The following TMEM185A variants were observed in gnomAD, a reference collection of about 807,000 sequenced individuals.
The protein encoded by TMEM185A is transmembrane protein 185A.
TMEM185A carries 9 observed loss-of-function variants against 25.0 expected under a neutral mutation model. The observed-to-expected ratio is 0.36, with a 90% CI of 0.22 to 0.63. TMEM185A has a LOEUF of 0.63. TMEM185A is among the 20% of genes least tolerant of loss of function. The pLI, the probability that TMEM185A is intolerant of heterozygous loss-of-function variation, is 0.68. For synonymous variants in TMEM185A, 45 were observed against 93.5 expected, an observed-to-expected ratio of 0.48 and a Z score of 2.99; for missense variants, 103 against 237.4, an observed-to-expected ratio of 0.43 and a Z score of 3.72.
chrX:149,625,601 G>A (rs2090159516), intron 1 of TMEM185A, among the ~76,000 whole-genome samples: 2 of 112,279 alleles, frequency 1.8e-5, no homozygotes, highest in South Asian at 3.7e-4. Context: ...TTCACTGAGG[G>A]TGGATTCAAA....
At chrX:149,619,854 A>G (rs1301950525) in intron 1 of TMEM185A, among the ~76,000 whole-genome samples, 1 of 111,927 alleles carries the variant, frequency 8.9e-6, no homozygotes, top group East Asian at 2.8e-4. Context: ...ATGGCTGTAT[A>G]GTATTCCATG....
intron 2 of TMEM185A, among the ~76,000 whole-genome samples, chrX:149,609,217 A>G (rs2090068832): frequency 8.9e-6 from 1 of 112,642 alleles, no homozygotes; most frequent in Non-Finnish European, 1.9e-5. Context: ...TTCTGCTGCT[A>G]AAACCAGGCA....
chrX:149,631,112 G>A lies in TMEM185A; in HGVS notation c.38+431C>T, dbSNP rs186142368. On this transcript the variant is annotated intron_variant, in intron 1 of 6. Transcript: ENST00000600449. ...ACCCAAGGAAAACCCCAAGGACTGC[G>A]AGGAACTGGAGGAAACAGCTGGGGT... Among the ~76,000 whole-genome samples the A allele has an allele frequency of 5.4e-5, 6 of 110,835 alleles. No homozygotes were observed. In the East Asian group the frequency reaches 1.7e-3, roughly 32 times the overall value.
chrX:149,630,818 G>T (rs904344858), intron 1 of TMEM185A, among the ~76,000 whole-genome samples: 2 of 111,612 alleles, frequency 1.8e-5, no homozygotes, highest in Non-Finnish European at 1.9e-5. Flanking sequence ...TCGGGCAAGT[G>T]CAAGGACAGG....
intron 1 of TMEM185A, among the ~76,000 whole-genome samples, chrX:149,627,526 C>T (rs1384995318): frequency 8.9e-6 from 1 of 112,227 alleles, no homozygotes; most frequent in Non-Finnish European, 1.9e-5. Context: ...CCTTCCTACT[C>T]TCTGGTCTGA....
At chrX:149,629,981 G>A (rs370091341) in intron 1 of TMEM185A, among the ~76,000 whole-genome samples, 1 of 111,626 alleles carries the variant, frequency 9.0e-6, no homozygotes, top group Admixed American at 9.4e-5. Context: ...AGTTGCCCAA[G>A]GGCACAAAAC....
At chrX:149,610,187 T>C (rs2090074416) in intron 2 of TMEM185A, among the ~76,000 whole-genome samples, 1 of 110,465 alleles carries the variant, frequency 9.1e-6, no homozygotes, top group African/African-American at 3.3e-5. Flanking sequence ...TCCCAGCACT[T>C]CAGGAGGCCA....
chrX:149,621,287 T>TA (rs1421153208), intron 1 of TMEM185A, among the ~76,000 whole-genome samples: 2 of 110,654 alleles, frequency 1.8e-5, no homozygotes, highest in Non-Finnish European at 3.8e-5. Context: ...CCTTATTTAA[T>TA]AAAAAAAGAG....
rs2090063293 is a variant in TMEM185A at position 149,608,350 on chromosome X, A to G, written c.423+277T>C. ...AAAACATTCTTTTTTTTTTTTTTTA[A>G]GACGGAGTTTCATTCTGTCACCCAG... On this transcript the variant is annotated intron_variant, in intron 3 of 6. Coordinates refer to ENST00000600449, the MANE Select transcript of TMEM185A (RefSeq NM_032508.4). 5 of 207,083 alleles carry G rather than the reference A, an allele frequency of 2.4e-5. No homozygotes were observed. In the East Asian group the frequency reaches 4.6e-4, roughly 19 times the overall value. 17.1% of individuals were successfully genotyped at this position (207,083 alleles called of 1,213,427 possible). A position where few individuals can be genotyped will look rare whatever the true frequency, so the allele number is the denominator to read the frequency against.
chrX:149,629,893 T>G (rs2090182587), intron 1 of TMEM185A, among the ~76,000 whole-genome samples: 1 of 112,414 alleles, frequency 8.9e-6, no homozygotes, highest in Non-Finnish European at 1.9e-5. Context: ...GTAAGGCACT[T>G]TGTAATCAAT....
intron 1 of TMEM185A, among the ~76,000 whole-genome samples, chrX:149,620,010 G>A (rs1057348588): frequency 1.8e-5 from 2 of 111,512 alleles, no homozygotes; most frequent in Non-Finnish European, 3.8e-5. Context: ...AGGATGTGGA[G>A]AAATAGGAAC....
chrX:149,628,676 A>G (rs1206176254), intron 1 of TMEM185A, among the ~76,000 whole-genome samples: 1 of 111,889 alleles, frequency 8.9e-6, no homozygotes. Context: ...ATGCCTTGGG[A>G]CCCACCAAAC....
rs183284901 is a variant in TMEM185A, at chrX:149,617,720, T to C, written c.39-6257A>G. Reference sequence around the variant, plus strand: ...GAAAACGTATGTCCACACAAAGGCCTGTATTCAAATATTCCAAGAAGCTTT... The same window carrying C: ...GAAAACGTATGTCCACACAAAGGCCCGTATTCAAATATTCCAAGAAGCTTT... On this transcript the variant is annotated intron_variant, in intron 1 of 6. Coordinates refer to ENST00000600449, the MANE Select transcript of TMEM185A (RefSeq NM_032508.4). 3.6e-5 allele frequency among the ~76,000 whole-genome samples: 4 copies of C among 112,260 alleles called. No homozygotes were observed. In the East Asian group the frequency reaches 1.1e-3, roughly 31 times the overall value.
chrX:149,610,428 CAAAAAAAAAAAAAA>C (rs374846385), intron 2 of TMEM185A, among the ~76,000 whole-genome samples: 17 of 26,597 alleles, frequency 6.4e-4, no homozygotes, highest in South Asian at 5.8e-3. Context: ...AACTCTGTCT[CAAAAAAAAAAAAAA>C]AAAAAAAAAA....
intron 1 of TMEM185A, among the ~76,000 whole-genome samples, chrX:149,626,679 G>A (rs2090164446): frequency 8.9e-6 from 1 of 112,679 alleles, no homozygotes; most frequent in African/African-American, 3.2e-5. Flanking sequence ...TAGCCTCTGA[G>A]TTACCTCAGT....
chrX:149,608,622 C>T lies in TMEM185A; in HGVS notation c.423+5G>A. ...GAAAACATTCTTAAATATATGAAAT[C>T]TCACCTCTAGTGACCTGTCATGTCG... On this transcript the variant is annotated splice_donor_5th_base_variant and intron_variant, in intron 3 of 6. Coordinates refer to ENST00000600449, the MANE Select transcript of TMEM185A (RefSeq NM_032508.4). 1 of 1,209,620 alleles carries T rather than the reference C, an allele frequency of 8.3e-7. No homozygotes were observed. Among genetic ancestry groups the T allele is most frequent in the Non-Finnish European group, 1.1e-6 (1 of 893,926 alleles).
At chrX:149,612,186 G>A (rs1557354588) in intron 1 of TMEM185A, among the ~76,000 whole-genome samples, 1 of 111,939 alleles carries the variant, frequency 8.9e-6, no homozygotes, top group Non-Finnish European at 1.9e-5. Flanking sequence ...GCCTAAATAA[G>A]AAGCTTGATA....
At chrX:149,602,791 G>C (rs1557352617) in intron 4 of TMEM185A, among the ~76,000 whole-genome samples, 1 of 112,161 alleles carries the variant, frequency 8.9e-6, no homozygotes, top group Admixed American at 9.4e-5. Context: ...CCATTCTCCA[G>C]ATACAGCACT....
intron 1 of TMEM185A, among the ~76,000 whole-genome samples, chrX:149,620,014 T>C (rs894694990): frequency 2.8e-4 from 31 of 111,231 alleles, no homozygotes; most frequent in Non-Finnish European, 4.3e-4. Flanking sequence ...TGTGGAGAAA[T>C]AGGAACACTT....
Sources: allele counts gnomAD v4.1 joint callset (sites outside exome capture counted in the v4.1 genomes callset), GRCh38; gene constraint gnomAD v4.1.1; transcripts MANE v1.5; gene names NCBI Gene and HGNC (gene_info 2026-07-23, HGNC 2026-07-21).